MAPK10: variants seen among roughly 807,000 people sequenced by gnomAD.
MAPK10 encodes the protein JNK3 alpha protein kinase.
Under a neutral mutation model 59.3 loss-of-function variants are expected in MAPK10, and 25 were observed. The ratio of observed to expected loss-of-function variants is 0.42; its 90% CI spans 0.31 to 0.59. The LOEUF is 0.59. Ranked by LOEUF, MAPK10 falls within the 20% of genes least tolerant of loss-of-function variation. The pLI is 0.15. For missense variants in MAPK10, 351 were observed against 568.9 expected, an observed-to-expected ratio of 0.62 and a Z score of 3.90; for synonymous variants, 190 against 200.5, an observed-to-expected ratio of 0.95 and a Z score of 0.44.
chr4:86,499,767 G>C (rs1755159927), intron 1 of MAPK10, among the ~76,000 whole-genome samples: 1 of 152,194 alleles, frequency 6.6e-6, no homozygotes, highest in South Asian at 2.1e-4. Context: ...CTCTCCTGCA[G>C]ATAGGGATGG....
intron 3 of MAPK10, among the ~76,000 whole-genome samples, chr4:86,179,920 G>A (rs1047745457): frequency 5.3e-5 from 8 of 151,878 alleles, no homozygotes; most frequent in African/African-American, 1.9e-4. Flanking sequence ...TTGGAACACT[G>A]TTCTGGGCAA....
At chr4:86,047,354 G>C (rs1163430204) in intron 11 of MAPK10, among the ~76,000 whole-genome samples, 2 of 152,130 alleles carry the variant, frequency 1.3e-5, no homozygotes, top group Non-Finnish European at 2.9e-5. Context: ...TCTGGAGGAA[G>C]AATGTCCCAG....
upstream of MAPK10, among the ~76,000 whole-genome samples, chr4:86,362,974 CA>C (rs965430336): frequency 6.6e-6 from 1 of 151,400 alleles, no homozygotes; most frequent in Non-Finnish European, 1.5e-5. Flanking sequence ...CTACGTCTAC[CA>C]AAAAAAAGTT....
At chr4:86,517,447 T>C (rs186467575) in intron 1 of MAPK10, among the ~76,000 whole-genome samples, 1 of 152,066 alleles carries the variant, frequency 6.6e-6, no homozygotes, top group Admixed American at 6.5e-5. Context: ...GGCTAACTTT[T>C]TGTATTTTTA....
At chr4:86,074,754 G>C (rs912125550) in intron 9 of MAPK10, among the ~76,000 whole-genome samples, 10 of 134,628 alleles carry the variant, frequency 7.4e-5, no homozygotes, top group Non-Finnish European at 1.4e-4. Flanking sequence ...GGTTTCTGCC[G>C]AGAGATCCGC....
intron 2 of MAPK10, among the ~76,000 whole-genome samples, chr4:86,221,733 G>C (rs772847883): frequency 8.5e-5 from 13 of 152,054 alleles, no homozygotes; most frequent in Non-Finnish European, 1.6e-4. Context: ...GAACTCTTGG[G>C]TTCAAGGGAC....
Position 86,061,793 on chromosome 4 carries a change from A to T in MAPK10, c.1110+2473T>A, listed in dbSNP as rs146530654. Among the ~76,000 whole-genome samples, 1,267 of 152,144 alleles carry T rather than the reference A, an allele frequency of 8.3e-3. 8 individuals carry two copies. The highest frequency in any genetic ancestry group is 0.014 in the Non-Finnish European group (933 of 67,972). On this transcript the variant is annotated intron_variant, in intron 11 of 13. Coordinates refer to ENST00000641462, the MANE Select transcript of MAPK10 (RefSeq NM_138982.4). ...TTCCTTCCCTCCCTAACAGCATGTGAGTTACTTGAAAGCTCTTTGATCAGA... is the reference window on the plus strand; with the variant it reads ...TTCCTTCCCTCCCTAACAGCATGTGTGTTACTTGAAAGCTCTTTGATCAGA...
chr4:86,413,696 C>G (rs763520356), intron 1 of MAPK10, among the ~76,000 whole-genome samples: 1 of 152,220 alleles, frequency 6.6e-6, no homozygotes, highest in African/African-American at 2.4e-5. Flanking sequence ...AGTGAGCAAG[C>G]CTCCATGTGC....
intron 1 of MAPK10, among the ~76,000 whole-genome samples, chr4:86,467,365 G>A (rs889830081): frequency 1.3e-5 from 2 of 152,182 alleles, no homozygotes; most frequent in African/African-American, 4.8e-5. Context: ...AATAGGTTGA[G>A]GGGTTTCACT....
chr4:86,312,891 C>T (rs879793772), intron 2 of MAPK10, among the ~76,000 whole-genome samples: 1 of 152,052 alleles, frequency 6.6e-6, no homozygotes, highest in Non-Finnish European at 1.5e-5. Flanking sequence ...GAACACAAAG[C>T]TATGTGTACT....
At chr4:86,310,246 C>T (rs2095643527) in intron 2 of MAPK10, among the ~76,000 whole-genome samples, 1 of 152,078 alleles carries the variant, frequency 6.6e-6, no homozygotes, top group Non-Finnish European at 1.5e-5. Flanking sequence ...CAAGCCGTGC[C>T]CCGACCACCT....
At chr4:86,229,182 C>A (rs1464671602) in intron 2 of MAPK10, among the ~76,000 whole-genome samples, 1 of 152,130 alleles carries the variant, frequency 6.6e-6, no homozygotes, top group Non-Finnish European at 1.5e-5. Flanking sequence ...ATTCTAGGGT[C>A]CACATGAAGT....
chr4:86,093,508 A>C (rs1406224453), intron 9 of MAPK10, among the ~76,000 whole-genome samples: 5 of 151,994 alleles, frequency 3.3e-5, no homozygotes, highest in African/African-American at 1.2e-4. Context: ...TAACTAAGTC[A>C]TAAATTTAGT....
chr4:86,374,277 G>A (rs1739419032), intron 1 of MAPK10, among the ~76,000 whole-genome samples: 1 of 152,030 alleles, frequency 6.6e-6, no homozygotes, highest in Non-Finnish European at 1.5e-5. Flanking sequence ...ACTAGGGGAG[G>A]GATAGCATTG....
intron 9 of MAPK10, among the ~76,000 whole-genome samples, chr4:86,087,504 G>A (rs745572376): frequency 2.6e-5 from 4 of 152,078 alleles, no homozygotes; most frequent in Non-Finnish European, 4.4e-5. Context: ...AAGCCAGCTA[G>A]TTTCAAATAG....
chr4:86,113,566 G>T (rs1023435336), intron 4 of MAPK10, among the ~76,000 whole-genome samples: 10 of 152,176 alleles, frequency 6.6e-5, no homozygotes, highest in African/African-American at 2.2e-4. Flanking sequence ...GACTTGTAGG[G>T]TTTCTGCTGA....
chr4:86,179,457 G>A (rs891209824), intron 3 of MAPK10, among the ~76,000 whole-genome samples: 94 of 151,896 alleles, frequency 6.2e-4, no homozygotes, highest in East Asian at 5.8e-4. Context: ...TCAATGTAAC[G>A]CCTACCAAAA....
intron 2 of MAPK10, among the ~76,000 whole-genome samples, chr4:86,218,590 CTT>C (rs1046617778): frequency 7.8e-6 from 1 of 128,292 alleles, no homozygotes; most frequent in Non-Finnish European, 1.7e-5. Context: ...AAAAAAAACA[CTT>C]TGGGCAATTA....
chr4:86,149,813 G>T (rs187488988), intron 4 of MAPK10, among the ~76,000 whole-genome samples: 2 of 152,296 alleles, frequency 1.3e-5, no homozygotes, highest in Admixed American at 1.3e-4. Flanking sequence ...ATCCCACACA[G>T]GTAAGAGGGA....
Sources: allele counts gnomAD v4.1 joint callset (sites outside exome capture counted in the v4.1 genomes callset), GRCh38; gene constraint gnomAD v4.1.1; transcripts MANE v1.5; gene names NCBI Gene and HGNC (gene_info 2026-07-23, HGNC 2026-07-21).